Variants in NT5C1A observed in about 807,000 individuals in gnomAD.
NT5C1A encodes 5'-nucleotidase, cytosolic IA.
Under a neutral mutation model 31.0 loss-of-function variants are expected in NT5C1A, and 18 were observed. That is an observed-to-expected ratio of 0.58 (90% CI 0.40 to 0.86). The LOEUF (loss-of-function observed/expected upper bound fraction) is 0.86. Among genes scored for constraint, NT5C1A ranks in the 40% least tolerant of loss-of-function variants. The pLI, the probability that NT5C1A is intolerant of heterozygous loss-of-function variation, is 0.00. For synonymous variants in NT5C1A, 185 were observed against 203.6 expected (o/e 0.91, Z 0.78); for missense variants, 470 against 505.4 (o/e 0.93, Z 0.67).
Position 39,658,411 on chromosome 1 carries a change from C to CT in NT5C1A, c.*709dup, listed in dbSNP as rs1386691379. Among the ~76,000 whole-genome samples the CT allele has an allele frequency of 6.6e-6, 1 of 152,186 alleles. No individual in the cohort carries two copies. Among genetic ancestry groups the CT allele is most frequent in the African/African-American group, 2.4e-5 (1 of 41,448 alleles). ...CATTTTGTCCATTTGAGAAAGGCCTCTGAGCTGAGGGGACACATGGGGGCT... is the reference window on the plus strand; with the variant it reads ...CATTTTGTCCATTTGAGAAAGGCCTCTTGAGCTGAGGGGACACATGGGGGCT... On this transcript the variant is annotated 3_prime_UTR_variant, in exon 6 of 6. Coordinates refer to ENST00000235628, the MANE Select transcript of NT5C1A (RefSeq NM_032526.3).
chr1:39,654,209 C>T lies in NT5C1A; in HGVS notation c.*4912G>A, dbSNP rs541731740. Among the ~76,000 whole-genome samples, 6 of 152,172 alleles carry T rather than the reference C, an allele frequency of 3.9e-5. No individual in the cohort carries two copies. Among genetic ancestry groups the T allele is most frequent in the East Asian group, 1.9e-4 (1 of 5,194 alleles). On this transcript the variant is annotated 3_prime_UTR_variant, in exon 6 of 6. Transcript: ENST00000235628. ...GAGGGGTATTTGTGTTTATTGCTCACGTGCCTTCATGCCACAAGAAACTGC... is the reference window on the plus strand; with the variant it reads ...GAGGGGTATTTGTGTTTATTGCTCATGTGCCTTCATGCCACAAGAAACTGC...
intron 1 of NT5C1A, among the ~76,000 whole-genome samples, chr1:39,671,308 A>G (rs1646550220): frequency 6.6e-6 from 1 of 152,234 alleles, no homozygotes; most frequent in African/African-American, 2.4e-5. Context: ...GCTGGGGGGC[A>G]GAGTCCAGCG....
rs1488513875 is a variant in NT5C1A, at chr1:39,665,395, A to ACCAG, written c.433+122_433+125dup. ...GTTTGTTTGTTTAAAGAGCGAATTT[A>ACCAG]CCAGCACACACTGGACTTGGGGTTC... On this transcript the variant is annotated intron_variant, in intron 3 of 5. Coordinates refer to ENST00000235628, the MANE Select transcript of NT5C1A (RefSeq NM_032526.3). 5.9e-6 allele frequency: 5 copies of ACCAG among 850,854 alleles called. No individual in the cohort carries two copies. The East Asian group carries it at 1.3e-4, about 22-fold the overall frequency. The allele number at this position is 850,854 out of a possible 1,614,324, so 52.7% of individuals were successfully genotyped here.
At chr1:39,670,871 C>G (rs1289454148) in intron 1 of NT5C1A, among the ~76,000 whole-genome samples, 1 of 63,136 alleles carries the variant, frequency 1.6e-5, no homozygotes, top group South Asian at 4.1e-4. Context: ...TACTCTACTC[C>G]CCCCCCAACT....
Position 39,653,053 on chromosome 1 carries a change from A to T in NT5C1A, c.*6068T>A, listed in dbSNP as rs1646441209. ...GATTTTTGCAGTGCACAATCTGCCC[A>T]ACTGGACACGTTGGCCTTGGCACTG... is the stretch of plus-strand genomic sequence containing the variant. On this transcript the variant is annotated 3_prime_UTR_variant, in exon 6 of 6. Transcript: ENST00000235628. 6.6e-6 allele frequency among the ~76,000 whole-genome samples: 1 copy of T among 152,166 alleles called. No homozygotes were observed. Among genetic ancestry groups the T allele is most frequent in the African/African-American group, 2.4e-5 (1 of 41,432 alleles).
chr1:39,664,922 C>T (rs1327344573), intron 3 of NT5C1A, among the ~76,000 whole-genome samples: 1 of 152,146 alleles, frequency 6.6e-6, no homozygotes, highest in Middle Eastern at 3.4e-3. Context: ...AAAAGAAGAG[C>T]CGGGAGAGAT....
At position 39,671,963 on chromosome 1, in the gene NT5C1A, C is replaced by G; in HGVS notation, c.76G>C (p.Val26Leu). ...TAGAAAATCTTGGCTTCCTCCCAGACCGGGGCCGCAGCGGTCTCCGCTCCT... is the reference window on the plus strand; with the variant it reads ...TAGAAAATCTTGGCTTCCTCCCAGAGCGGGGCCGCAGCGGTCTCCGCTCCT... ...GPGAETAAAP[V>L]WEEAKIFYDN... Residue 26 changes from valine (V) to leucine (L), a missense_variant, in exon 1 of 6, where the codon GTC becomes CTC. Transcript: ENST00000235628. 6.2e-7 allele frequency: 1 copy of G among 1,612,622 alleles called. No homozygotes were observed. Among genetic ancestry groups the G allele is most frequent in the Non-Finnish European group, 8.5e-7 (1 of 1,179,856 alleles).
chr1:39,652,996 T>C lies in NT5C1A; in HGVS notation c.*6125A>G, dbSNP rs150678232. 8.8e-4 allele frequency among the ~76,000 whole-genome samples: 134 copies of C among 152,240 alleles called. 4 individuals are homozygous for C. The East Asian group carries it at 0.013, about 14-fold the overall frequency. ...GGTTGTGCAGGTGTCTAATAGGTAC[T>C]ACCCATGTCACAATACCAATGGCGC... On this transcript the variant is annotated 3_prime_UTR_variant, in exon 6 of 6. Transcript: ENST00000235628.
At chr1:39,665,973 A>C in intron 2 of NT5C1A, 96 bp downstream of exon 2, 2 of 1,161,470 alleles carry the variant, frequency 1.7e-6, no homozygotes, top group Non-Finnish European at 2.5e-6. Flanking sequence ...ATCTGCCCAG[A>C]GGGGCCCTTT....
At position 39,658,294 on chromosome 1, in the gene NT5C1A, C is replaced by T. The variant is rs906811280; in HGVS notation, c.*827G>A. On this transcript the variant is annotated 3_prime_UTR_variant, in exon 6 of 6. Coordinates refer to ENST00000235628, the MANE Select transcript of NT5C1A (RefSeq NM_032526.3). ...CCTGGGCTGAGCCCTGATGACCATT[C>T]AGGTTAGAGAATCACATGAGCAGAT... 1.4e-4 allele frequency among the ~76,000 whole-genome samples: 21 copies of T among 152,212 alleles called. No homozygotes were observed. The highest frequency in any genetic ancestry group is 4.8e-4 in the African/African-American group (20 of 41,450).
At position 39,655,453 on chromosome 1, in the gene NT5C1A, C is replaced by T. The variant is rs1033229483; in HGVS notation, c.*3668G>A. 3.9e-5 allele frequency among the ~76,000 whole-genome samples: 6 copies of T among 152,158 alleles called. No individual in the cohort carries two copies. Among genetic ancestry groups the T allele is most frequent in the Non-Finnish European group, 7.3e-5 (5 of 68,038 alleles). On this transcript the variant is annotated 3_prime_UTR_variant, in exon 6 of 6. Coordinates refer to ENST00000235628, the MANE Select transcript of NT5C1A (RefSeq NM_032526.3). ...TAGGAAGCTATAATAAAAGCATGCA[C>T]TCAAATGTATTCCAGCATTTCACCA...
At chr1:39,663,623 C>T (rs1646503347) in intron 3 of NT5C1A, among the ~76,000 whole-genome samples, 189 bp from the exon 4 acceptor site, 1 of 152,172 alleles carries the variant, frequency 6.6e-6, no homozygotes, top group African/African-American at 2.4e-5. Flanking sequence ...ACGATCACAT[C>T]TCTAGAGCAA....
At chr1:39,664,962 G>A (rs1646513670) in intron 3 of NT5C1A, among the ~76,000 whole-genome samples, 1 of 152,110 alleles carries the variant, frequency 6.6e-6, no homozygotes, top group African/African-American at 2.4e-5. Context: ...GTCTTTGTAG[G>A]CCCAATTTTA....
chr1:39,660,310 T>C (rs1211060648), intron 5 of NT5C1A, among the ~76,000 whole-genome samples: 2 of 152,176 alleles, frequency 1.3e-5, no homozygotes, highest in African/African-American at 2.4e-5. Flanking sequence ...TCTGAGATTA[T>C]TGAGCTCCCG....
chr1:39,664,627 G>C (rs1193827854), intron 3 of NT5C1A, among the ~76,000 whole-genome samples: 1 of 145,168 alleles, frequency 6.9e-6, no homozygotes. Flanking sequence ...CGAATAGCTG[G>C]GATTACAGGT....
chr1:39,659,280 A>C lies in NT5C1A; in HGVS notation c.948T>G (p.Pro316=). 1.2e-6 allele frequency: 2 copies of C among 1,614,060 alleles called. No homozygotes were observed. Among genetic ancestry groups the C allele is most frequent in the Non-Finnish European group, 1.7e-6 (2 of 1,180,038 alleles). ...TGTGTGGGCGGATCTTCTCAAGGAG[A>C]GGGCCCTTGGGCGCTCCAGCAAGGA... is the stretch of plus-strand genomic sequence containing the variant. ...ALFLAGAPKG[P]LLEKIRPHIF... Residue 316 remains proline (P), a synonymous_variant, in exon 6 of 6, where the codon CCT becomes CCG. Coordinates refer to ENST00000235628, the MANE Select transcript of NT5C1A (RefSeq NM_032526.3).
chr1:39,658,217 C>CCTG lies in NT5C1A; in HGVS notation c.*901_*903dup, dbSNP rs756773132. ...CTCCCGGGAAGAGCCTGCAGTGCCC[C>CCTG]CTGCTGGCTGGAGGAGAGTTTGTAT... On this transcript the variant is annotated 3_prime_UTR_variant, in exon 6 of 6. Coordinates refer to ENST00000235628, the MANE Select transcript of NT5C1A (RefSeq NM_032526.3). Among the ~76,000 whole-genome samples the CCTG allele has an allele frequency of 5.3e-5, 8 of 152,208 alleles. No homozygotes were observed. Among genetic ancestry groups the CCTG allele is most frequent in the Non-Finnish European group, 1.2e-4 (8 of 68,024 alleles).
At chr1:39,669,443 C>T (rs1349695671) in intron 1 of NT5C1A, among the ~76,000 whole-genome samples, 1 of 152,196 alleles carries the variant, frequency 6.6e-6, no homozygotes, top group African/African-American at 2.4e-5. Context: ...GGGCCTCCAA[C>T]AGGCCTTCAG....
chr1:39,671,026 G>A lies in NT5C1A; in HGVS notation c.135+878C>T, dbSNP rs114450440. Among the ~76,000 whole-genome samples the A allele has an allele frequency of 7.0e-3, 1,070 of 152,260 alleles. 15 individuals are homozygous for A. The highest frequency in any genetic ancestry group is 0.025 in the African/African-American group (1,025 of 41,536). The stretch of plus-strand genomic sequence containing the variant: ...TGATTGCTGATAGGGTGGACCTGTT[G>A]GGGAAGGGTTCTTGGAGGGAAGCAG... On this transcript the variant is annotated intron_variant, in intron 1 of 5. Transcript: ENST00000235628.
Sources: gnomAD v4.1 joint callset for allele counts (sites outside exome capture counted in the v4.1 genomes callset) on GRCh38, gnomAD v4.1.1 for gene constraint, MANE v1.5 for transcripts, NCBI Gene and HGNC (gene_info 2026-07-23, HGNC 2026-07-21) for gene names.